CDC14B: variants seen among roughly 807,000 people sequenced by gnomAD.
CDC14B encodes dual specificity protein phosphatase CDC14B.
Under a neutral mutation model 64.2 loss-of-function variants are expected in CDC14B, and 22 were observed. That is an observed-to-expected ratio of 0.34 (90% CI 0.24 to 0.49). The LOEUF (loss-of-function observed/expected upper bound fraction) is 0.49, where lower values mean the gene tolerates loss of function less well. Ranked by LOEUF, CDC14B falls within the 20% of genes least tolerant of loss-of-function variation. The probability of loss-of-function intolerance (pLI) is 0.99; values close to 1 mark genes in which losing one functional copy is unlikely to be tolerated. For missense variants in CDC14B, 498 were observed against 629.9 expected (o/e 0.79, Z 2.24); for synonymous variants, 191 against 215.8 (o/e 0.89, Z 1.01).
At chr9:96,549,571 A>T (rs16911179) in intron 5 of CDC14B, among the ~76,000 whole-genome samples, 2,306 of 152,240 alleles carry the variant, frequency 0.015, 65 homozygotes, top group African/African-American at 0.052. Context: ...AGGCTGAGGC[A>T]GAAGAATCGC....
chr9:96,568,681 CGAG>C (rs1196092472), intron 1 of CDC14B, among the ~76,000 whole-genome samples: 4 of 151,994 alleles, frequency 2.6e-5, no homozygotes, highest in Admixed American at 1.3e-4. Flanking sequence ...TTTGGGAGGC[CGAG>C]GAGGATGGAT....
chr9:96,599,592 G>A (rs181243306), intron 1 of CDC14B, among the ~76,000 whole-genome samples: 175 of 152,196 alleles, frequency 1.1e-3, no homozygotes, highest in African/African-American at 3.9e-3. Flanking sequence ...TGAAAAACCT[G>A]GGGAAATCCA....
intron 1 of CDC14B, chr9:96,566,665 C>T (rs1029733720): frequency 4.5e-6 from 5 of 1,120,356 alleles, no homozygotes; most frequent in Non-Finnish European, 6.5e-6. Context: ...GAGACAAGGG[C>T]GGCCGGGGCC....
intron 12 of CDC14B, among the ~76,000 whole-genome samples, chr9:96,516,712 G>A (rs1030194326): frequency 6.6e-6 from 1 of 152,116 alleles, no homozygotes; most frequent in African/African-American, 2.4e-5. Context: ...CTGATCTCAG[G>A]TGATCCGCCT....
At position 96,552,280 on chromosome 9, in the gene CDC14B, A is replaced by G. The variant is rs1030843681; in HGVS notation, c.421-408T>C. 2.0e-5 allele frequency among the ~76,000 whole-genome samples: 3 copies of G among 152,196 alleles called. No homozygotes were observed. In the East Asian group the frequency reaches 5.8e-4, roughly 29 times the overall value. ...TGGGGTGAGGTGGAAAGAGACACAA[A>G]GGCAGAACACAGACTGTGATTAACT... On this transcript the variant is annotated intron_variant, in intron 4 of 13. Transcript: ENST00000375241.
intron 12 of CDC14B, chr9:96,514,578 A>C (rs1218692801): frequency 1.0e-6 from 1 of 985,448 alleles, no homozygotes; most frequent in Non-Finnish European, 1.2e-6. Flanking sequence ...ACTCAGTGAA[A>C]CCACAAAGTA....
Position 96,515,858 on chromosome 9 carries a change from A to G in CDC14B, c.1344-6069T>C. The G allele has an allele frequency of 4.2e-6, 6 of 1,431,658 alleles. No homozygotes were observed. Among genetic ancestry groups the G allele is most frequent in the Non-Finnish European group, 5.7e-6 (6 of 1,059,604 alleles). 88.7% of individuals were successfully genotyped at this position (1,431,658 alleles called of 1,614,324 possible). A position where few individuals can be genotyped will look rare whatever the true frequency, so the allele number is the denominator to read the frequency against. The stretch of plus-strand genomic sequence containing the variant: ...GGAAGCCAAAATAAATTACGCAATC[A>G]TCAATCAATCAAGCCATATGTGAAT... On this transcript the variant is annotated intron_variant, in intron 12 of 13. Coordinates refer to ENST00000375241, the MANE Select transcript of CDC14B (RefSeq NM_033331.4). The surrounding 1 kb of genome is among the most constrained non-coding windows in gnomAD (Gnocchi z 4.3).
At chr9:96,558,339 C>T (rs953627098) in intron 4 of CDC14B, among the ~76,000 whole-genome samples, 5 of 152,196 alleles carry the variant, frequency 3.3e-5, no homozygotes, top group African/African-American at 9.6e-5. Flanking sequence ...ATGTTTGAGG[C>T]GATGGATACT....
At position 96,522,534 on chromosome 9, in the gene CDC14B, G is replaced by A. The variant is rs779010936; in HGVS notation, c.1315C>T (p.Gln439Ter). Reference protein sequence around the residue: ...DRLRALKSRRQSKTNAIPLTV... With the variant: ...DRLRALKSRR ...AGAGGAATAGCGTTTGTTTTGGATT[G>A]TCTTCTGCTTTTCAAGGCCCGAAGT... Residue 439 changes from glutamine (Q) to a stop codon, truncating the protein, a stop_gained, in exon 12 of 14, where the codon CAA (glutamine) becomes TAA (stop). Coordinates refer to ENST00000375241, the MANE Select transcript of CDC14B (RefSeq NM_033331.4). LOFTEE classifies it high-confidence loss of function. The A allele has an allele frequency of 1.2e-5, 20 of 1,613,142 alleles. No individual in the cohort carries two copies. The highest frequency in any genetic ancestry group is 1.7e-5 in the Non-Finnish European group (20 of 1,179,082).
intron 5 of CDC14B, among the ~76,000 whole-genome samples, chr9:96,551,587 C>T (rs903741054): frequency 1.3e-5 from 2 of 152,074 alleles, no homozygotes; most frequent in African/African-American, 4.8e-5. Context: ...GCAGAAGCCA[C>T]GGAGGCCACT....
intron 4 of CDC14B, among the ~76,000 whole-genome samples, chr9:96,556,872 G>C (rs984126514): frequency 2.0e-5 from 3 of 152,058 alleles, no homozygotes; most frequent in Non-Finnish European, 4.4e-5. Context: ...CAACTTTCCA[G>C]ACCTTGGCAT....
chr9:96,582,407 T>A (rs1000773547), intron 1 of CDC14B, among the ~76,000 whole-genome samples: 2 of 152,268 alleles, frequency 1.3e-5, no homozygotes, highest in Non-Finnish European at 2.9e-5. Context: ...TGTTTTTACC[T>A]TTCTCAGCAT....
chr9:96,619,351 T>A lies in CDC14B; in HGVS notation c.28A>T (p.Ser10Cys). The change falls in exon 1 of 14, where the codon AGC becomes TGC. Residue 10 changes from serine to cysteine, a missense_variant. Transcript: ENST00000375241. ...GAGCAGGGGGGCGCGGCGGCCCAGC[T>A]CGACCGCCGCTCGCTTTTCCGCTTC... Reference protein sequence around the residue: MKRKSERRSSWAAAPPCSRR... With the variant: MKRKSERRSCWAAAPPCSRR... The A allele has an allele frequency of 8.0e-6, 10 of 1,244,376 alleles. No homozygotes were observed. The highest frequency in any genetic ancestry group is 1.0e-5 in the Non-Finnish European group (10 of 990,774). The allele number at this position is 1,244,376 out of a possible 1,614,324, so 77.1% of individuals were successfully genotyped here. A position where few individuals can be genotyped will look rare whatever the true frequency, so the allele number is the denominator to read the frequency against.
chr9:96,599,338 G>A (rs985518541), intron 1 of CDC14B, among the ~76,000 whole-genome samples: 4 of 151,392 alleles, frequency 2.6e-5, no homozygotes, highest in African/African-American at 9.7e-5. Flanking sequence ...CCGAGATCTC[G>A]CCATTGCACT....
intron 12 of CDC14B, among the ~76,000 whole-genome samples, chr9:96,521,188 C>A (rs564697834): frequency 1.3e-5 from 2 of 152,196 alleles, no homozygotes; most frequent in South Asian, 2.1e-4. Flanking sequence ...TCCTGCCTCA[C>A]CCTCCCGAGT....
At chr9:96,505,975 C>G (rs576814285) in intron 13 of CDC14B, among the ~76,000 whole-genome samples, 31 of 152,182 alleles carry the variant, frequency 2.0e-4, no homozygotes, top group Non-Finnish European at 3.7e-4. Flanking sequence ...GAAAAAGTTC[C>G]CCAAAGCTGA....
intron 1 of CDC14B, among the ~76,000 whole-genome samples, chr9:96,610,435 T>TG (rs1847239879): frequency 2.0e-5 from 3 of 152,084 alleles, no homozygotes; most frequent in Non-Finnish European, 4.4e-5. Context: ...CCTGACCTCG[T>TG]GATCCACCCG....
chr9:96,598,984 A>G (rs924217350), intron 1 of CDC14B, among the ~76,000 whole-genome samples: 34 of 152,228 alleles, frequency 2.2e-4, no homozygotes, highest in African/African-American at 8.2e-4. Flanking sequence ...ATATTCCATT[A>G]AATCTAAAAT....
chr9:96,506,699 C>G (rs1834171676), intron 13 of CDC14B, among the ~76,000 whole-genome samples: 1 of 152,248 alleles, frequency 6.6e-6, no homozygotes, highest in South Asian at 2.1e-4. Flanking sequence ...ATTACTGACT[C>G]TGAAATCTAC....
Sources: gnomAD v4.1 joint callset for allele counts (sites outside exome capture counted in the v4.1 genomes callset) on GRCh38, gnomAD v4.1.1 for gene constraint, Gnocchi (gnomAD v3.1) non-coding constraint, MANE v1.5 for transcripts, NCBI Gene and HGNC (gene_info 2026-07-23, HGNC 2026-07-21) for gene names.